TOX2: variants seen among roughly 807,000 people sequenced by gnomAD.
TOX2 encodes granulosa cell HMG box 1.
Under a neutral mutation model 47.4 loss-of-function variants are expected in TOX2, and 15 were observed. The observed-to-expected ratio is 0.32, with a 90% CI of 0.21 to 0.49. The LOEUF is 0.49. Among genes scored for constraint, TOX2 ranks in the 20% least tolerant of loss-of-function variants. TOX2 has a pLI of 0.99. For missense variants in TOX2, 622 were observed against 673.1 expected (o/e 0.92, Z 0.84); for synonymous variants, 290 against 296.6 (o/e 0.98, Z 0.23).
At chr20:44,051,962 G>C (rs1396218503) in intron 4 of TOX2, among the ~76,000 whole-genome samples, 1 of 152,236 alleles carries the variant, frequency 6.6e-6, no homozygotes, top group Non-Finnish European at 1.5e-5. Context: ...GGGGTGAGAA[G>C]ATCCTGTGAA....
At chr20:44,038,685 T>G (rs2071279497) in intron 3 of TOX2, among the ~76,000 whole-genome samples, 1 of 150,732 alleles carries the variant, frequency 6.6e-6, no homozygotes, top group African/African-American at 2.4e-5. Context: ...TGTGAGGCTG[T>G]GTTGAATGAC....
Position 44,068,690 on chromosome 20 carries a change from C to A in TOX2, c.*4C>A. ...CAAATCGCTCTACCTCACCTAATCC[C>A]GCCTCCCTACCATCCCTGAGGCTCG... On this transcript the variant is annotated 3_prime_UTR_variant, in exon 9 of 9. Coordinates refer to ENST00000341197, the MANE Select transcript of TOX2 (RefSeq NM_001098797.2). The A allele has an allele frequency of 6.2e-7, 1 of 1,614,066 alleles. No homozygotes were observed.
chr20:43,991,405 T>C (rs984495595), intron 2 of TOX2, among the ~76,000 whole-genome samples: 6 of 152,190 alleles, frequency 3.9e-5, no homozygotes, highest in African/African-American at 1.4e-4. Context: ...ACTAAGCACC[T>C]ACTGTGCGTC....
Position 44,065,754 on chromosome 20 carries a change from C to T in TOX2, c.1003C>T (p.Pro335Ser). ...TGAGACCAAGAGCACTCAGGCAAAC[C>T]CACCAGCCAAAATGCTCCCACCCAA... is the stretch of plus-strand genomic sequence containing the variant. The part of the protein sequence containing the change: ...QGETKSTQAN[P>S]PAKMLPPKQP... The change falls in exon 7 of 9, where the codon CCA becomes TCA. Residue 335 changes from proline to serine, a missense_variant. Around this residue, in one of 3 missense-constraint regions of TOX2, gnomAD observed 294 missense variants for 300.0 expected, o/e 0.98. Coordinates refer to ENST00000341197, the MANE Select transcript of TOX2 (RefSeq NM_001098797.2). The T allele has an allele frequency of 1.2e-6, 2 of 1,606,132 alleles. No homozygotes were observed. Among genetic ancestry groups the T allele is most frequent in the South Asian group, 1.1e-5 (1 of 90,484 alleles).
Position 44,068,713 on chromosome 20 carries a change from TC to T in TOX2, c.*28del, listed in dbSNP as rs1278323486. 1 of 1,613,894 alleles carries T rather than the reference TC, an allele frequency of 6.2e-7. No homozygotes were observed. Among genetic ancestry groups the T allele is most frequent in the Non-Finnish European group, 8.5e-7 (1 of 1,179,950 alleles). ...CCCGCCTCCCTACCATCCCTGAGGC[TC>T]GCTGGAAGGCACTGCTCAGAGCCTG... On this transcript the variant is annotated 3_prime_UTR_variant, in exon 9 of 9. Transcript: ENST00000341197.
rs200781086 is a variant in TOX2, at chr20:44,065,984, C to T, written c.1233C>T (p.His411=). ...TLHQQLSLPP[H]AQGALLSPPV... is the part of the protein sequence containing the mutation. ...ACCAGCAGCTGTCACTGCCCCCTCA[C>T]GCCCAGGGCGCCCTCCTCAGTCCAC... Residue 411 remains histidine (H), a synonymous_variant, in exon 7 of 9, where the codon CAC becomes CAT. Transcript: ENST00000341197. 2.8e-4 allele frequency: 449 copies of T among 1,613,146 alleles called. No homozygotes were observed. The highest frequency in any genetic ancestry group is 3.3e-4 in the Non-Finnish European group (394 of 1,179,870).
chr20:43,969,740 G>A (rs6073265), intron 1 of TOX2, among the ~76,000 whole-genome samples: 1 of 152,266 alleles, frequency 6.6e-6, no homozygotes, highest in Non-Finnish European at 1.5e-5. Context: ...AGGTGCCCAA[G>A]GGTAACTGAA....
intron 3 of TOX2, among the ~76,000 whole-genome samples, chr20:44,015,076 C>T (rs2070854922): frequency 6.6e-6 from 1 of 152,050 alleles, no homozygotes; most frequent in Non-Finnish European, 1.5e-5. Context: ...TTGGGCTTTT[C>T]CAAGGTGCCA....
intron 1 of TOX2, among the ~76,000 whole-genome samples, chr20:43,953,235 A>AATTTT (rs1555832726): frequency 2.6e-5 from 4 of 151,342 alleles, no homozygotes; most frequent in Non-Finnish European, 4.4e-5. Flanking sequence ...GTAAGAGAAT[A>AATTTT]TGTTGTTTTA....
chr20:43,989,962 G>C (rs1386171982), intron 2 of TOX2, among the ~76,000 whole-genome samples: 1 of 152,074 alleles, frequency 6.6e-6, no homozygotes, highest in Non-Finnish European at 1.5e-5. Context: ...TTACTTCCAA[G>C]TTCCCTCTAT....
intron 2 of TOX2, among the ~76,000 whole-genome samples, chr20:43,985,106 C>G (rs1376596755): frequency 2.0e-5 from 3 of 152,168 alleles, no homozygotes; most frequent in Admixed American, 1.3e-4. Context: ...GGGTCAGGAT[C>G]CTGGTTCCGG....
chr20:44,059,098 A>G (rs965226544), intron 5 of TOX2, among the ~76,000 whole-genome samples: 2 of 152,252 alleles, frequency 1.3e-5, no homozygotes, highest in Admixed American at 1.3e-4. Flanking sequence ...CACCAGAGAA[A>G]GGTGAAGTCC....
chr20:44,052,672 A>G (rs1319719625), intron 4 of TOX2, among the ~76,000 whole-genome samples: 3 of 152,176 alleles, frequency 2.0e-5, no homozygotes, highest in African/African-American at 7.2e-5. Flanking sequence ...AATCCTCATA[A>G]AAGTCCTATA....
At chr20:43,992,444 G>A (rs1474062362) in intron 2 of TOX2, among the ~76,000 whole-genome samples, 1 of 152,194 alleles carries the variant, frequency 6.6e-6, no homozygotes, top group Non-Finnish European at 1.5e-5. Context: ...ATCCCTTGCA[G>A]TGATTTAAAG....
intron 1 of TOX2, among the ~76,000 whole-genome samples, chr20:43,959,058 G>A (rs58385177): frequency 0.014 from 2,138 of 152,340 alleles, 54 homozygotes; most frequent in African/African-American, 0.049. Flanking sequence ...ATCTGGGTCA[G>A]AAGGGTTCAA....
chr20:43,939,041 G>C (rs1287530596), intron 1 of TOX2, among the ~76,000 whole-genome samples: 2 of 152,200 alleles, frequency 1.3e-5, no homozygotes, highest in Non-Finnish European at 2.9e-5. Context: ...ACCTGCCTCT[G>C]CAGCCATCCA....
chr20:43,931,013 G>C (rs1042412604), intron 1 of TOX2, among the ~76,000 whole-genome samples: 1 of 152,146 alleles, frequency 6.6e-6, no homozygotes, highest in East Asian at 1.9e-4. Context: ...CTAGAATGTC[G>C]GCTTTGGAAG....
rs117660089 is a variant in TOX2, at chr20:43,995,306, G to A, written c.166-11241G>A. Among the ~76,000 whole-genome samples the A allele has an allele frequency of 2.1e-4, 32 of 152,076 alleles. No individual in the cohort carries two copies. The East Asian group carries it at 4.1e-3, about 19-fold the overall frequency. ...TTATCTGAGATGATTAATTTGACTC[G>A]GTCATTATGGACACAGACAAGCCTG... On this transcript the variant is annotated intron_variant, in intron 2 of 8. Coordinates refer to ENST00000341197, the MANE Select transcript of TOX2 (RefSeq NM_001098797.2).
rs1163838989 is a variant in TOX2 at position 44,054,364 on chromosome 20, AAAG to A, written c.721_723del (p.Lys241del). ...AGGCCAAGAACCCGAAGAAGAAGAA[AAAG>A]AAGGACCCCAATGAGCCGCAGAAGC... is the stretch of plus-strand genomic sequence containing the variant. On this transcript the variant is annotated inframe_deletion, in exon 5 of 9. Transcript: ENST00000341197. 6 of 1,612,104 alleles carry A rather than the reference AAAG, an allele frequency of 3.7e-6. No individual in the cohort carries two copies. Among genetic ancestry groups the A allele is most frequent in the Non-Finnish European group, 5.1e-6 (6 of 1,179,520 alleles).
Sources: gnomAD v4.1 joint callset for allele counts (sites outside exome capture counted in the v4.1 genomes callset) on GRCh38, gnomAD v4.1.1 for gene constraint, gnomAD v4.1.1 regional missense constraint, MANE v1.5 for transcripts, NCBI Gene and HGNC (gene_info 2026-07-23, HGNC 2026-07-21) for gene names.